Variants in DMD observed in about 807,000 individuals in gnomAD.
The protein encoded by DMD is dystrophin, also known as mutant dystrophin.
Under a neutral mutation model 330.1 loss-of-function variants are expected in DMD, and 63 were observed. The ratio of observed to expected loss-of-function variants is 0.19; its 90% confidence interval spans 0.16 to 0.24. The LOEUF is 0.24. Among genes scored for constraint, DMD ranks in the 10% least tolerant of loss-of-function variants. The pLI is 1.00. For missense variants in DMD, 3,344 were observed against 2,684.1 expected, an observed-to-expected ratio of 1.25 and a Z score of -5.43; for synonymous variants, 1,223 against 959.8, an observed-to-expected ratio of 1.27 and a Z score of -5.07.
chrX:32,072,748 A>G (rs984908986), intron 44 of DMD, among the ~76,000 whole-genome samples: 15 of 111,629 alleles, frequency 1.3e-4, no homozygotes, highest in African/African-American at 4.9e-4. Flanking sequence ...CTCTTTTTTG[A>G]TCATCTTAGG....
At chrX:32,718,629 A>G (rs1170077819) in intron 7 of DMD, among the ~76,000 whole-genome samples, 1 of 112,172 alleles carries the variant, frequency 8.9e-6, no homozygotes, top group Non-Finnish European at 1.9e-5. Flanking sequence ...GTCATTGGAT[A>G]TATTACTTTT....
chrX:32,316,549 G>A (rs1413830282), intron 41 of DMD, among the ~76,000 whole-genome samples: 1 of 111,373 alleles, frequency 9.0e-6, no homozygotes, highest in African/African-American at 3.3e-5. Flanking sequence ...CAGATCAGCT[G>A]ACTAGAGAAA....
At chrX:32,910,542 C>T (rs747899579) in intron 2 of DMD, among the ~76,000 whole-genome samples, 3 of 111,214 alleles carry the variant, frequency 2.7e-5, no homozygotes, top group Non-Finnish European at 3.8e-5. Context: ...CCAAGCGATT[C>T]TCCTGCCTCA....
chrX:32,563,033 G>C (rs1230127251), intron 16 of DMD, among the ~76,000 whole-genome samples: 3 of 111,310 alleles, frequency 2.7e-5, no homozygotes, highest in Non-Finnish European at 3.8e-5. Flanking sequence ...GTAACTGTTT[G>C]AAAATAAAAT....
At chrX:32,147,179 T>A (rs1321069189) in intron 44 of DMD, among the ~76,000 whole-genome samples, 1 of 111,486 alleles carries the variant, frequency 9.0e-6, no homozygotes, top group Non-Finnish European at 1.9e-5. Flanking sequence ...TTCATCTACA[T>A]CCCACCAAGC....
chrX:31,136,720 A>G (rs771217165), intron 76 of DMD, among the ~76,000 whole-genome samples: 1 of 112,516 alleles, frequency 8.9e-6, no homozygotes, highest in Non-Finnish European at 1.9e-5. Flanking sequence ...CTGTTCCTGA[A>G]TTATTTCAAA....
intron 9 of DMD, among the ~76,000 whole-genome samples, chrX:32,676,003 G>A (rs5971656): frequency 0.046 from 5,092 of 111,046 alleles, 280 homozygotes; most frequent in African/African-American, 0.16. Flanking sequence ...CCAGAAATTG[G>A]AAAACTTGGG....
intron 7 of DMD, among the ~76,000 whole-genome samples, chrX:32,783,471 G>T (rs190385239): frequency 9.3e-6 from 1 of 107,799 alleles, no homozygotes; most frequent in Non-Finnish European, 1.9e-5. Context: ...AAATATTCAG[G>T]AAATACAATA....
At chrX:32,321,371 G>A (rs2097613657) in intron 41 of DMD, among the ~76,000 whole-genome samples, 1 of 111,360 alleles carries the variant, frequency 9.0e-6, no homozygotes, top group Admixed American at 9.6e-5. Context: ...ATATTTCAAA[G>A]TTATGTGTAT....
At chrX:32,509,890 C>T (rs1384485369) in intron 18 of DMD, among the ~76,000 whole-genome samples, 1 of 110,936 alleles carries the variant, frequency 9.0e-6, no homozygotes, top group Non-Finnish European at 1.9e-5. Context: ...CCCTCTCTCT[C>T]TCAAGCCTCA....
chrX:33,041,339 G>T, intron 1 of DMD: 1 of 1,143,644 alleles, frequency 8.7e-7, no homozygotes, highest in Middle Eastern at 3.3e-4. Context: ...TCTGCGCGTC[G>T]CCCTCCACGG....
chrX:32,088,048 G>A (rs1042855765), intron 44 of DMD, among the ~76,000 whole-genome samples: 4 of 112,197 alleles, frequency 3.6e-5, no homozygotes, highest in Admixed American at 2.8e-4. Flanking sequence ...TATAATATGG[G>A]TGTCTGCCAC....
intron 19 of DMD, among the ~76,000 whole-genome samples, chrX:32,500,566 C>A (rs926306461): frequency 9.0e-6 from 1 of 111,389 alleles, no homozygotes; most frequent in Non-Finnish European, 1.9e-5. Flanking sequence ...AATACAGTTT[C>A]TAGGGGGAAC....
Position 32,743,011 on chromosome X carries a change from G to A in DMD, c.650-43718C>T, listed in dbSNP as rs368228074. Among the ~76,000 whole-genome samples, 44 of 111,261 alleles carry A rather than the reference G, an allele frequency of 4.0e-4. 1 individual carries two copies. Among genetic ancestry groups the A allele is most frequent in the African/African-American group, 1.3e-3 (40 of 30,640 alleles). The stretch of plus-strand genomic sequence containing the variant: ...ATTAGGCTGGTGCTGATGATACCCT[G>A]TCTCTTCCTCTGAGTCCTTCGCATT... On this transcript the variant is annotated intron_variant, in intron 7 of 78. Transcript: ENST00000357033.
chrX:32,250,433 C>G (rs760007861), intron 43 of DMD, among the ~76,000 whole-genome samples: 2 of 111,876 alleles, frequency 1.8e-5, no homozygotes, highest in African/African-American at 3.2e-5. Flanking sequence ...AATATTTTCT[C>G]TCTTTTCTAT....
At chrX:31,538,051 T>C (rs2073541343) in intron 55 of DMD, among the ~76,000 whole-genome samples, 2 of 112,007 alleles carry the variant, frequency 1.8e-5, no homozygotes, top group African/African-American at 6.5e-5. Flanking sequence ...ATGCTGGACA[T>C]TGTAGGGTAC....
intron 18 of DMD, among the ~76,000 whole-genome samples, chrX:32,515,519 C>G (rs2045770160): frequency 9.0e-6 from 1 of 111,342 alleles, no homozygotes; most frequent in African/African-American, 3.3e-5. Flanking sequence ...GACACCTTAT[C>G]AAATCCCCTT....
At chrX:32,562,181 C>A (rs808577) in intron 16 of DMD, among the ~76,000 whole-genome samples, 27,169 of 110,516 alleles carry the variant, frequency 0.25, 2,499 homozygotes, top group East Asian at 0.46. Flanking sequence ...TCATTGTAAG[C>A]CTCCAGATAG....
chrX:32,878,192 G>A (rs1025055104), intron 2 of DMD, among the ~76,000 whole-genome samples: 20 of 111,245 alleles, frequency 1.8e-4, no homozygotes, highest in East Asian at 2.9e-4. Flanking sequence ...TGGCTAACAC[G>A]GTGAAACCCC....
Sources: allele counts gnomAD v4.1 joint callset (sites outside exome capture counted in the v4.1 genomes callset), GRCh38; gene constraint gnomAD v4.1.1; transcripts MANE v1.5; gene names NCBI Gene and HGNC (gene_info 2026-07-23, HGNC 2026-07-21).